SLC5A7: variants seen among roughly 807,000 people sequenced by gnomAD.
The protein encoded by SLC5A7 is solute carrier family 5 member 7, also known as high affinity choline transporter 1.
In SLC5A7, 19 loss-of-function variants were observed where a neutral mutation model predicts 55.4. That is an observed-to-expected ratio of 0.34 (90% CI 0.24 to 0.50). SLC5A7 has a LOEUF of 0.50. SLC5A7 is among the 20% of genes least tolerant of loss of function. The probability of loss-of-function intolerance (pLI) is 0.98; values close to 1 mark genes in which losing one functional copy is unlikely to be tolerated. For missense variants in SLC5A7, 506 were observed against 705.3 expected, an observed-to-expected ratio of 0.72 and a Z score of 3.20; for synonymous variants, 265 against 263.7, an observed-to-expected ratio of 1.00 and a Z score of -0.05.
rs1677242794 is a variant in SLC5A7 at position 107,986,534 on chromosome 2, T to TCGCCCTGCGCCGCG, written c.-274_-261dup. 1 of 152,482 alleles carries TCGCCCTGCGCCGCG rather than the reference T, an allele frequency of 6.6e-6. No homozygotes were observed. Among genetic ancestry groups the TCGCCCTGCGCCGCG allele is most frequent in the Non-Finnish European group, 1.5e-5 (1 of 68,368 alleles). The allele number at this position is 152,482 out of a possible 1,614,324, so 9.4% of individuals were successfully genotyped here. The stretch of plus-strand genomic sequence containing the variant: ...TCCCAATACTCGATCGATTCCCACC[T>TCGCCCTGCGCCGCG]CGCCCTGCGCCGCGCGCCCTCCGCC... On this transcript the variant is annotated 5_prime_UTR_variant, in exon 1 of 9. Transcript: ENST00000264047.
chr2:107,999,420 C>G (rs772641898), intron 5 of SLC5A7, among the ~76,000 whole-genome samples: 12 of 152,136 alleles, frequency 7.9e-5, no homozygotes, highest in Non-Finnish European at 1.3e-4. Context: ...TGTGATTTCT[C>G]ATTGCTTTGT....
intron 4 of SLC5A7, among the ~76,000 whole-genome samples, chr2:107,993,706 T>C (rs533906993): frequency 5.1e-4 from 77 of 152,336 alleles, no homozygotes; most frequent in African/African-American, 1.8e-3. Context: ...CATGTTATTC[T>C]AAAAGCACTG....
rs1371022020 is a variant in SLC5A7 at position 107,993,135 on chromosome 2, C to A, written c.448+8C>A. On this transcript the variant is annotated splice_region_variant and intron_variant, in intron 4 of 8. Transcript: ENST00000264047. ...CAATTTTCTCTGCTTTGGGTAAGGA[C>A]CAGCTAAGTTGTCTAGCTGCATCTT... 1 of 1,614,044 alleles carries A rather than the reference C, an allele frequency of 6.2e-7. No individual in the cohort carries two copies. Among genetic ancestry groups the A allele is most frequent in the Non-Finnish European group, 8.5e-7 (1 of 1,179,940 alleles).
intron 1 of SLC5A7, among the ~76,000 whole-genome samples, chr2:107,987,114 C>T (rs1677275303): frequency 6.6e-6 from 1 of 152,046 alleles, no homozygotes; most frequent in Non-Finnish European, 1.5e-5. Context: ...ATTCTTTCCC[C>T]CAACGTCTCT....
intron 1 of SLC5A7, 100 bp downstream of exon 1, chr2:107,986,863 T>C (rs530606239): frequency 6.6e-6 from 1 of 151,942 alleles, no homozygotes; most frequent in Admixed American, 6.6e-5. Flanking sequence ...GACGCGGCGT[T>C]TTTCCCTCTC....
intron 1 of SLC5A7, among the ~76,000 whole-genome samples, chr2:107,987,328 A>G (rs548951105): frequency 6.6e-6 from 1 of 152,318 alleles, no homozygotes; most frequent in East Asian, 1.9e-4. Flanking sequence ...GAGGCTTCTG[A>G]TGTGCTTTTA....
chr2:107,995,140 A>G (rs1183657189), intron 4 of SLC5A7, among the ~76,000 whole-genome samples: 1 of 152,198 alleles, frequency 6.6e-6, no homozygotes, highest in East Asian at 1.9e-4. Context: ...AGCGCCTACT[A>G]CACACACAGG....
In SLC5A7 at chr2:108,006,029, T is replaced by A. The variant is rs753094457; in HGVS notation, c.742-20T>A. 6 of 1,613,750 alleles carry A rather than the reference T, an allele frequency of 3.7e-6. No homozygotes were observed. The South Asian group carries it at 4.4e-5, about 12-fold the overall frequency. On this transcript the variant is annotated intron_variant, in intron 6 of 8. Coordinates refer to ENST00000264047, the MANE Select transcript of SLC5A7 (RefSeq NM_021815.5). ...AAATGAATAGATGTTTGCCTCTCCA[T>A]CCTTGTGTTTCCCGCACAGATGCTG...
intron 4 of SLC5A7, among the ~76,000 whole-genome samples, chr2:107,995,739 T>A (rs140185633): frequency 6.6e-6 from 1 of 152,176 alleles, no homozygotes; most frequent in African/African-American, 2.4e-5. Flanking sequence ...TAGTTCACCA[T>A]TGAAACATAG....
intron 6 of SLC5A7, among the ~76,000 whole-genome samples, chr2:108,002,917 G>T (rs1380431571): frequency 6.6e-6 from 1 of 152,082 alleles, no homozygotes. Context: ...AAGGGAAATT[G>T]GTTATTTTTG....
At chr2:108,008,240 C>A (rs1325201030) in intron 7 of SLC5A7, among the ~76,000 whole-genome samples, 1 of 152,136 alleles carries the variant, frequency 6.6e-6, no homozygotes, top group African/African-American at 2.4e-5. Context: ...ATCTTACCAC[C>A]AGTGTCTGTG....
At chr2:108,001,090 G>A (rs2104361649) in intron 5 of SLC5A7, among the ~76,000 whole-genome samples, 1 of 151,822 alleles carries the variant, frequency 6.6e-6, no homozygotes, top group East Asian at 2.0e-4. Context: ...TAGAACTCAA[G>A]TTTGTGTTAT....
chr2:108,000,377 A>C (rs1184495061), intron 5 of SLC5A7, among the ~76,000 whole-genome samples: 3 of 152,154 alleles, frequency 2.0e-5, no homozygotes, highest in African/African-American at 7.2e-5. Flanking sequence ...AATTCACAGA[A>C]AACATAAAAG....
rs1350275914 is a variant in SLC5A7 at position 108,012,340 on chromosome 2, T to C, written c.*1479T>C. 2.6e-5 allele frequency: 4 copies of C among 152,194 alleles called. No homozygotes were observed. Among genetic ancestry groups the C allele is most frequent in the Non-Finnish European group, 5.9e-5 (4 of 68,026 alleles). The allele number at this position is 152,194 out of a possible 1,614,324, so 9.4% of individuals were successfully genotyped here. On this transcript the variant is annotated 3_prime_UTR_variant, in exon 9 of 9. Transcript: ENST00000264047. Reference sequence around the variant, plus strand: ...ATCCCATAAAGAAAGTGAGTCTGAATTGTTGAAACTAAAGCACTTCTTTTC... The same window carrying C: ...ATCCCATAAAGAAAGTGAGTCTGAACTGTTGAAACTAAAGCACTTCTTTTC...
chr2:108,008,682 T>G lies in SLC5A7; in HGVS notation c.1113T>G (p.Asn371Lys). Residue 371 changes from asparagine to lysine, a missense_variant and splice_region_variant, in exon 8 of 9, where the codon AAT becomes AAG. Physicochemically the swap from Asn to Lys is moderately conservative, Grantham distance 94 (BLOSUM62 0). Transcript: ENST00000264047. ...RNIYQLSFRQ[N>K]ASDKEIVWVM... ...TCTACCAGCTTTCCTTCAGACAAAA[T>G]GTAAGAACAGTTTCTTTCAACCTGA... 1 of 1,611,642 alleles carries G rather than the reference T, an allele frequency of 6.2e-7. No homozygotes were observed. The highest frequency in any genetic ancestry group is 1.1e-5 in the South Asian group (1 of 90,830).
rs977821110 is a variant in SLC5A7, at chr2:108,013,038, T to A, written c.*2177T>A. 1.3e-5 allele frequency: 2 copies of A among 152,070 alleles called. No homozygotes were observed. The highest frequency in any genetic ancestry group is 4.8e-5 in the African/African-American group (2 of 41,412). 9.4% of individuals were successfully genotyped at this position (152,070 alleles called of 1,614,324 possible). A position where few individuals can be genotyped will look rare whatever the true frequency, so the allele number is the denominator to read the frequency against. ...ACACCTCACTCATACTGTCATATAA[T>A]GCAACAGGGAGGCATAGTCTCTCTA... On this transcript the variant is annotated 3_prime_UTR_variant, in exon 9 of 9. Transcript: ENST00000264047.
chr2:108,007,181 T>A (rs1384029333), intron 7 of SLC5A7, among the ~76,000 whole-genome samples: 1 of 152,074 alleles, frequency 6.6e-6, no homozygotes, highest in Non-Finnish European at 1.5e-5. Flanking sequence ...TACGTAGAGG[T>A]AATAAAATAG....
In SLC5A7 at chr2:108,010,404, G is replaced by A. The variant is rs774267102; in HGVS notation, c.1286G>A (p.Gly429Glu). The change falls in exon 9 of 9, where the codon GGA becomes GAA. Residue 429 changes from glycine to glutamate, a missense_variant. By Grantham distance (98) the Gly-to-Glu change is moderately conservative. Coordinates refer to ENST00000264047, the MANE Select transcript of SLC5A7 (RefSeq NM_021815.5). ...CTGCTTTGTGTACTCTTTGTTAAGGGAACCAACACCTATGGGGCCGTGGCA... is the reference window on the plus strand; with the variant it reads ...CTGCTTTGTGTACTCTTTGTTAAGGAAACCAACACCTATGGGGCCGTGGCA... ...PQLLCVLFVKGTNTYGAVAGY... is the reference protein window; with the variant it reads ...PQLLCVLFVKETNTYGAVAGY... 4.3e-6 allele frequency: 7 copies of A among 1,613,890 alleles called. No homozygotes were observed. The highest frequency in any genetic ancestry group is 5.9e-6 in the Non-Finnish European group (7 of 1,179,916).
intron 2 of SLC5A7, among the ~76,000 whole-genome samples, chr2:107,991,153 A>G (rs1677437500): frequency 1.3e-5 from 2 of 152,198 alleles, no homozygotes; most frequent in Non-Finnish European, 2.9e-5. Context: ...AAAAATATTA[A>G]TCTGTAGATC....
Sources: gnomAD v4.1 joint callset for allele counts (sites outside exome capture counted in the v4.1 genomes callset) on GRCh38, gnomAD v4.1.1 for gene constraint, MANE v1.5 for transcripts, NCBI Gene and HGNC (gene_info 2026-07-23, HGNC 2026-07-21) for gene names.